MYO3A: variants seen among roughly 807,000 people sequenced by gnomAD.
MYO3A encodes the protein myosin IIIA.
A neutral mutation model predicts 192.7 loss-of-function variants in MYO3A; 180 were observed. That is an observed-to-expected ratio of 0.93 (90% CI 0.83 to 1.06). The LOEUF (loss-of-function observed/expected upper bound fraction) is 1.06. MYO3A is among the 50% of genes least tolerant of loss of function. The pLI is 0.00. For synonymous variants in MYO3A, 628 were observed against 645.3 expected, an observed-to-expected ratio of 0.97 and a Z score of 0.41; for missense variants, 1,896 against 1,905.0, an observed-to-expected ratio of 1.00 and a Z score of 0.09.
intron 32 of MYO3A, among the ~76,000 whole-genome samples, chr10:26,195,762 C>G (rs1227556845): frequency 6.6e-6 from 1 of 152,208 alleles, no homozygotes; most frequent in Non-Finnish European, 1.5e-5. Flanking sequence ...GCCTAGATGT[C>G]TTTTTCTTCA....
chr10:26,036,005 C>G (rs557560539), intron 10 of MYO3A, among the ~76,000 whole-genome samples: 4 of 152,136 alleles, frequency 2.6e-5, no homozygotes, highest in African/African-American at 9.6e-5. Context: ...GCCATCTTGG[C>G]TCACTGCAAG....
chr10:26,211,334 C>T (rs561685782), intron 34 of MYO3A, among the ~76,000 whole-genome samples: 19 of 152,286 alleles, frequency 1.2e-4, no homozygotes, highest in African/African-American at 4.3e-4. Context: ...AACATTGAAA[C>T]ACTGAAAAAG....
Position 26,205,838 on chromosome 10 carries a change from C to T in MYO3A, c.4730+2731C>T, listed in dbSNP as rs1013208686. 2.6e-5 allele frequency among the ~76,000 whole-genome samples: 4 copies of T among 151,878 alleles called. No homozygotes were observed. In the East Asian group the frequency reaches 7.7e-4, roughly 29 times the overall value. ...GTTTCACTGTGTTAGCCAGGATGGT[C>T]TCGATCTTCTGACCTTGTGATTTGC... On this transcript the variant is annotated intron_variant, in intron 34 of 34. Coordinates refer to ENST00000642920, the MANE Select transcript of MYO3A (RefSeq NM_017433.5).
chr10:26,146,551 C>T (rs1840475532), intron 22 of MYO3A, among the ~76,000 whole-genome samples: 2 of 152,108 alleles, frequency 1.3e-5, no homozygotes, highest in African/African-American at 4.8e-5. Context: ...CCCACATGGC[C>T]TTTGCTATGT....
rs549165163 is a variant in MYO3A at position 26,098,593 on chromosome 10, G to T, written c.1776+1911G>T. Among the ~76,000 whole-genome samples the T allele has an allele frequency of 3.3e-5, 5 of 152,278 alleles. No individual in the cohort carries two copies. In the East Asian group the frequency reaches 9.6e-4, roughly 29 times the overall value. Reference sequence around the variant, plus strand: ...CATGTTGAATTAATTTTTGTATAAGGTGTAAGGAAGGGATCCAGTTTCAAC... The same window carrying T: ...CATGTTGAATTAATTTTTGTATAAGTTGTAAGGAAGGGATCCAGTTTCAAC... On this transcript the variant is annotated intron_variant, in intron 17 of 34. Coordinates refer to ENST00000642920, the MANE Select transcript of MYO3A (RefSeq NM_017433.5).
chr10:25,981,096 T>A (rs1185685756), intron 4 of MYO3A, among the ~76,000 whole-genome samples: 1 of 152,174 alleles, frequency 6.6e-6, no homozygotes, highest in East Asian at 1.9e-4. Flanking sequence ...AATCACACAG[T>A]ATGTAGCCTT....
At chr10:26,001,571 C>T (rs1015692120) in intron 6 of MYO3A, among the ~76,000 whole-genome samples, 23 of 152,320 alleles carry the variant, frequency 1.5e-4, no homozygotes, top group African/African-American at 4.8e-4. Flanking sequence ...AGGCAGACTA[C>T]GGCCTGGGAG....
At chr10:26,173,002 T>C (rs1189155823) in intron 29 of MYO3A, among the ~76,000 whole-genome samples, 2 of 151,906 alleles carry the variant, frequency 1.3e-5, no homozygotes, top group Non-Finnish European at 2.9e-5. Context: ...TTTCATTCCA[T>C]CTTAACTTTT....
At chr10:26,144,661 C>T (rs539627572) in intron 21 of MYO3A, among the ~76,000 whole-genome samples, 4 of 152,182 alleles carry the variant, frequency 2.6e-5, no homozygotes, top group East Asian at 1.9e-4. Flanking sequence ...AGAGCAAAAA[C>T]GCCAGATTTT....
intron 14 of MYO3A, among the ~76,000 whole-genome samples, chr10:26,087,808 G>T (rs1466843113): frequency 1.3e-5 from 2 of 152,230 alleles, no homozygotes; most frequent in East Asian, 3.9e-4. Context: ...TTAGTTTCAG[G>T]GTTAGCAGCT....
chr10:26,043,798 A>T (rs1219408768), intron 10 of MYO3A, among the ~76,000 whole-genome samples: 1 of 152,210 alleles, frequency 6.6e-6, no homozygotes, highest in Non-Finnish European at 1.5e-5. Context: ...AGCCCACTTA[A>T]TGCTGTATGC....
chr10:25,952,876 C>CT (rs538861587), intron 3 of MYO3A, among the ~76,000 whole-genome samples: 21,855 of 134,350 alleles, frequency 0.16, 1,899 homozygotes, highest in African/African-American at 0.22. Context: ...GCCCCATTTG[C>CT]TTTTTTTTTT....
At chr10:25,955,522 A>G (rs983575476) in intron 4 of MYO3A, among the ~76,000 whole-genome samples, 2 of 152,088 alleles carry the variant, frequency 1.3e-5, no homozygotes, top group Admixed American at 1.3e-4. Context: ...ATACTGAGTA[A>G]GTTGCTAAAG....
intron 32 of MYO3A, among the ~76,000 whole-genome samples, chr10:26,194,926 T>C (rs1012492285): frequency 3.3e-5 from 5 of 152,188 alleles, no homozygotes; most frequent in Non-Finnish European, 1.5e-5. Flanking sequence ...TACACATCCA[T>C]ACATGGGCGC....
chr10:26,045,032 A>C (rs72793985), intron 10 of MYO3A, among the ~76,000 whole-genome samples: 24,734 of 152,130 alleles, frequency 0.16, 2,302 homozygotes, highest in Non-Finnish European at 0.21. Context: ...GGCAGAGCAA[A>C]TGGAGACACT....
At chr10:26,133,050 G>T (rs1564580548) in intron 20 of MYO3A, among the ~76,000 whole-genome samples, 1 of 152,172 alleles carries the variant, frequency 6.6e-6, no homozygotes, top group Non-Finnish European at 1.5e-5. Context: ...TTTTAAAAAT[G>T]TGTGGATGAT....
chr10:26,176,175 T>A (rs1038945661), intron 30 of MYO3A, among the ~76,000 whole-genome samples: 20 of 151,846 alleles, frequency 1.3e-4, no homozygotes, highest in Non-Finnish European at 2.8e-4. Context: ...GCACCTGTAG[T>A]CCCAGCTACT....
chr10:26,193,179 C>T (rs773153445), intron 31 of MYO3A, 26 bp from the exon 32 acceptor site: 3 of 1,502,134 alleles, frequency 2.0e-6, no homozygotes, highest in Admixed American at 1.7e-5. Context: ...TAATTAAATA[C>T]TTGTTTATGA....
intron 15 of MYO3A, among the ~76,000 whole-genome samples, chr10:26,090,853 G>A (rs1391863000): frequency 1.3e-5 from 2 of 152,202 alleles, no homozygotes; most frequent in African/African-American, 4.8e-5. Context: ...GGACTAACAG[G>A]GGTGAGGAGC....
Sources: gnomAD v4.1 joint callset for allele counts (sites outside exome capture counted in the v4.1 genomes callset) on GRCh38, gnomAD v4.1.1 for gene constraint, MANE v1.5 for transcripts, NCBI Gene and HGNC (gene_info 2026-07-23, HGNC 2026-07-21) for gene names.